Variants in MREG observed in about 807,000 individuals in gnomAD.
The protein encoded by MREG is melanoregulin.
Under a neutral mutation model 28.5 loss-of-function variants are expected in MREG, and 31 were observed. That is an observed-to-expected ratio of 1.09 (90% confidence interval 0.82 to 1.47). The LOEUF (loss-of-function observed/expected upper bound fraction) is 1.47. MREG is among the 40% of genes most tolerant of loss of function. MREG has a pLI of 0.00. For missense variants in MREG, 256 were observed against 257.4 expected (o/e 0.99, Z 0.04); for synonymous variants, 106 against 95.2 (o/e 1.11, Z -0.66).
chr2:215,963,183 G>A (rs1692838455), intron 2 of MREG, among the ~76,000 whole-genome samples: 1 of 152,128 alleles, frequency 6.6e-6, no homozygotes, highest in African/African-American at 2.4e-5. Flanking sequence ...ATATTGGCCA[G>A]GTGACGTGGC....
At chr2:216,031,266 G>T (rs1343660079) in intron 1 of MREG, among the ~76,000 whole-genome samples, 1 of 151,834 alleles carries the variant, frequency 6.6e-6, no homozygotes, top group Non-Finnish European at 1.5e-5. Flanking sequence ...AATTAGCTGG[G>T]CATGGTGGTG....
chr2:215,984,279 C>G (rs1422961302), intron 2 of MREG, among the ~76,000 whole-genome samples: 1 of 152,046 alleles, frequency 6.6e-6, no homozygotes, highest in Non-Finnish European at 1.5e-5. Context: ...ATGTCCATCC[C>G]ACAACATGTG....
intron 2 of MREG, among the ~76,000 whole-genome samples, chr2:215,950,643 T>C (rs1380852462): frequency 6.6e-6 from 1 of 152,194 alleles, no homozygotes; most frequent in Non-Finnish European, 1.5e-5. Context: ...TAATTATACA[T>C]GAAAGTATCT....
intron 2 of MREG, among the ~76,000 whole-genome samples, chr2:215,991,889 T>C (rs1228705370): frequency 6.6e-6 from 1 of 152,120 alleles, no homozygotes; most frequent in African/African-American, 2.4e-5. Flanking sequence ...AGTTCTGAAA[T>C]TGAGGCAGTA....
At chr2:216,027,917 A>T (rs1694620563) in intron 1 of MREG, among the ~76,000 whole-genome samples, 2 of 152,228 alleles carry the variant, frequency 1.3e-5, no homozygotes, top group South Asian at 2.1e-4. Flanking sequence ...ATTTTCAAAG[A>T]CACTAAATTT....
upstream of MREG, among the ~76,000 whole-genome samples, chr2:216,014,661 ATAAAAT>A (rs1694401197): frequency 6.6e-6 from 1 of 151,726 alleles, no homozygotes; most frequent in Non-Finnish European, 1.5e-5. Context: ...AAAAAAAAAA[ATAAAAT>A]TAAAGATATA....
chr2:215,985,660 T>G (rs1205974651), intron 2 of MREG, among the ~76,000 whole-genome samples: 1 of 152,220 alleles, frequency 6.6e-6, no homozygotes, highest in Non-Finnish European at 1.5e-5. Context: ...TTATTTGTGG[T>G]CCTTCCTCTA....
rs200499905 is a variant in MREG, at chr2:216,031,561, GGGAA to G, written c.-68+1224_-68+1227del. 4.2e-3 allele frequency among the ~76,000 whole-genome samples: 576 copies of G among 137,670 alleles called. 7 individuals carry two copies. Among genetic ancestry groups the G allele is most frequent in the African/African-American group, 0.014 (535 of 37,136 alleles). The allele number at this position is 137,670 out of a possible 152,430, so 90.3% of individuals were successfully genotyped here. On this transcript the variant is annotated intron_variant, in intron 1 of 3. Coordinates refer to the MREG transcript ENST00000420348. ...AAGGAAGGAAGGAAAGAGGGAGGGA[GGGAA>G]GGAAGGAAGGAAAGAAAGAAGGAAA...
chr2:215,948,930 C>T (rs183442223), intron 2 of MREG, among the ~76,000 whole-genome samples: 6 of 152,126 alleles, frequency 3.9e-5, no homozygotes, highest in East Asian at 3.9e-4. Context: ...AGGTCAAGGA[C>T]GCTGGCTCAC....
Position 215,944,582 on chromosome 2 carries a change from G to A in MREG, c.*281C>T, listed in dbSNP as rs1273563906. ...TGACACAACTAAAACCAAAGCTGGG[G>A]CAATGGGCTCTCAGAATGGAACCAC... On this transcript the variant is annotated 3_prime_UTR_variant, in exon 5 of 5. Transcript: ENST00000263268. The A allele has an allele frequency of 4.0e-6, 1 of 251,384 alleles. No homozygotes were observed. Among genetic ancestry groups the A allele is most frequent in the African/African-American group, 2.2e-5 (1 of 45,476 alleles). The allele number at this position is 251,384 out of a possible 1,614,324, so 15.6% of individuals were successfully genotyped here.
chr2:216,025,413 C>T (rs1054209979), intron 1 of MREG, among the ~76,000 whole-genome samples: 2 of 152,206 alleles, frequency 1.3e-5, no homozygotes, highest in East Asian at 3.8e-4. Flanking sequence ...ATTAGCTTCC[C>T]AGGAAAGCTA....
chr2:215,963,452 A>C (rs1692852956), intron 2 of MREG, among the ~76,000 whole-genome samples: 1 of 6,784 alleles, frequency 1.5e-4, no homozygotes, highest in East Asian at 2.0e-3. Context: ...AAAAAAAAAA[A>C]AAACAAAAAA....
intron 2 of MREG, among the ~76,000 whole-genome samples, chr2:215,994,067 T>C (rs1032912504): frequency 2.0e-5 from 3 of 151,946 alleles, no homozygotes; most frequent in Admixed American, 6.5e-5. Flanking sequence ...ACTGGGTATA[T>C]ACCCAAAGGA....
intron 2 of MREG, among the ~76,000 whole-genome samples, chr2:215,978,195 G>A (rs1693309805): frequency 1.3e-5 from 2 of 152,092 alleles, no homozygotes; most frequent in Admixed American, 1.3e-4. Context: ...AAATGATAAA[G>A]GGGATATCAC....
intron 2 of MREG, among the ~76,000 whole-genome samples, chr2:215,990,429 C>T (rs1038532536): frequency 6.6e-6 from 1 of 152,168 alleles, no homozygotes; most frequent in Non-Finnish European, 1.5e-5. Flanking sequence ...CGGTACCAGC[C>T]ACTGCAAAAA....
intron 2 of MREG, among the ~76,000 whole-genome samples, chr2:215,949,046 TAC>T (rs1491211371): frequency 8.6e-6 from 1 of 115,670 alleles, no homozygotes; most frequent in Non-Finnish European, 1.8e-5. Context: ...CTACTACTAC[TAC>T]TACTACTACT....
chr2:215,979,863 A>T (rs1329218591), intron 2 of MREG, among the ~76,000 whole-genome samples: 3 of 152,070 alleles, frequency 2.0e-5, no homozygotes, highest in African/African-American at 4.8e-5. Context: ...CTGGTGTTTC[A>T]AAATGTATAT....
intron 2 of MREG, among the ~76,000 whole-genome samples, chr2:215,993,020 C>T (rs1025989288): frequency 6.6e-6 from 1 of 152,192 alleles, no homozygotes; most frequent in Non-Finnish European, 1.5e-5. Context: ...ATGCTATCCC[C>T]ATCAAGCTAC....
intron 1 of MREG, among the ~76,000 whole-genome samples, chr2:216,029,642 T>C (rs1342295863): frequency 1.9e-4 from 29 of 152,192 alleles, no homozygotes; most frequent in Admixed American, 1.8e-3. Context: ...AATACAAGGA[T>C]GCTAAGTCAT....
Sources: allele counts gnomAD v4.1 joint callset (sites outside exome capture counted in the v4.1 genomes callset), GRCh38; gene constraint gnomAD v4.1.1; transcripts MANE v1.5; gene names NCBI Gene and HGNC (gene_info 2026-07-23, HGNC 2026-07-21).